The following MYO7B variants were observed in gnomAD, a reference collection of about 807,000 sequenced individuals.
MYO7B encodes unconventional myosin-VIIb.
MYO7B carries 212 observed loss-of-function variants against 259.7 expected under a neutral mutation model. The observed-to-expected ratio is 0.82, with a 90% confidence interval of 0.73 to 0.91. The LOEUF is 0.91. Among genes scored for constraint, MYO7B ranks in the 40% least tolerant of loss-of-function variants. The probability of loss-of-function intolerance (pLI) is 0.00; values close to 1 mark genes in which losing one functional copy is unlikely to be tolerated. For missense variants in MYO7B, 2,732 were observed against 2,813.5 expected, an observed-to-expected ratio of 0.97 and a Z score of 0.66; for synonymous variants, 1,197 against 1,166.4, an observed-to-expected ratio of 1.03 and a Z score of -0.54.
Position 127,576,625 on chromosome 2 carries a change from T to C in MYO7B, c.766T>C (p.Tyr256His), listed in dbSNP as rs540621004. 1 of 1,609,350 alleles carries C rather than the reference T, an allele frequency of 6.2e-7. No homozygotes were observed. Among genetic ancestry groups the C allele is most frequent in the South Asian group, 1.1e-5 (1 of 90,758 alleles). Reference sequence around the variant, plus strand: ...CGAGGAGCGGAACTACCATATCTTCTACTGCATGCTCATGGGGGTGAGTGC... The same window carrying C: ...CGAGGAGCGGAACTACCATATCTTCCACTGCATGCTCATGGGGGTGAGTGC... ...APEERNYHIF[Y>H]CMLMGVSAED... Residue 256 changes from tyrosine to histidine, a missense_variant, in exon 8 of 48, where the codon TAC (tyrosine) becomes CAC (histidine). Tyr to His is a moderately conservative substitution (Grantham distance 83, BLOSUM62 2). Around this residue, in one of 3 missense-constraint regions of MYO7B, gnomAD observed 1,906 missense variants for 2,026.4 expected, o/e 0.94. Coordinates refer to ENST00000409816, the MANE Select transcript of MYO7B (RefSeq NM_001393586.1). The surrounding 1 kb of genome is among the most constrained non-coding windows in gnomAD (Gnocchi z 4.9).
At chr2:127,624,404 G>C in intron 30 of MYO7B, 84 bp downstream of exon 30, 1 of 1,296,256 alleles carries the variant, frequency 7.7e-7, no homozygotes, top group Middle Eastern at 1.9e-4. Flanking sequence ...GGCTTCTGAG[G>C]CCAGGTAGAA....
At chr2:127,565,118 C>A in intron 3 of MYO7B, 115 bp from the exon 4 acceptor site, 1 of 1,343,554 alleles carries the variant, frequency 7.4e-7, no homozygotes, top group Non-Finnish European at 1.0e-6. Flanking sequence ...CCCAGGTCAG[C>A]TGATCCATGA....
At chr2:127,605,962 G>T (rs375261950) in intron 20 of MYO7B, 34 bp downstream of exon 20, 7 of 1,560,400 alleles carry the variant, frequency 4.5e-6, no homozygotes, top group South Asian at 1.1e-5. Flanking sequence ...TGGGCCGCGG[G>T]ACCAGCGGGT....
chr2:127,599,960 A>AT (rs371025847), intron 19 of MYO7B, among the ~76,000 whole-genome samples: 2 of 151,694 alleles, frequency 1.3e-5, no homozygotes, highest in Non-Finnish European at 2.9e-5. Context: ...ACGTCTGAGG[A>AT]TTTTTTTTCT....
chr2:127,551,271 T>C (rs56285909), intron 1 of MYO7B, among the ~76,000 whole-genome samples: 21,040 of 152,200 alleles, frequency 0.14, 1,609 homozygotes, highest in South Asian at 0.32. Flanking sequence ...CATCCTAATC[T>C]GTTGTTGACT....
rs766574429 is a variant in MYO7B, at chr2:127,569,777, C to T, written c.471-12C>T. The T allele has an allele frequency of 2.8e-5, 45 of 1,607,756 alleles. 1 individual carries two copies. The South Asian group carries it at 4.8e-4, about 17-fold the overall frequency. ...TTTTGTGGCATCATGTCCCTGCACA[C>T]CCTTTTTGCAGCGGCGAGTCTGGGG... On this transcript the variant is annotated splice_polypyrimidine_tract_variant and intron_variant, in intron 5 of 47. Coordinates refer to ENST00000409816, the MANE Select transcript of MYO7B (RefSeq NM_001393586.1).
Position 127,590,141 on chromosome 2 carries a change from A to C in MYO7B, c.1904A>C (p.Gln635Pro). Residue 635 changes from glutamine to proline, a missense_variant, in exon 16 of 48, where the codon CAG becomes CCG. Physicochemically the swap from Gln to Pro is moderately conservative, Grantham distance 76. This residue lies in a region of MYO7B where 1,906 missense variants were observed against 2,026.4 expected (regional missense o/e 0.94). Transcript: ENST00000409816. The surrounding 1 kb of genome is among the most constrained non-coding windows in gnomAD (Gnocchi z 4.6). ...TCCACCTTAGGAAGCCAGTTCAAAC[A>C]GTCTCTGGACCAGCTGATGAAAATC... Reference protein sequence around the residue: ...RPSTLGSQFKQSLDQLMKILT... With the variant: ...RPSTLGSQFKPSLDQLMKILT... 6.2e-7 allele frequency: 1 copy of C among 1,609,440 alleles called. No homozygotes were observed.
Position 127,607,406 on chromosome 2 carries a change from C to T in MYO7B, c.2625C>T (p.Phe875=), listed in dbSNP as rs1179234793. 6.4e-6 allele frequency: 10 copies of T among 1,550,986 alleles called. No individual in the cohort carries two copies. In the African/African-American group the frequency reaches 1.4e-4, roughly 21 times the overall value. Reference sequence around the variant, plus strand: ...GGGGCATGGCTGCCCGGCGCAACTTCCAGCAAAGGAAGGCCAATGTAGGTG... The same window carrying T: ...GGGGCATGGCTGCCCGGCGCAACTTTCAGCAAAGGAAGGCCAATGTAGGTG... ...HARGMAARRN[F]QQRKANAPLV... is the part of the protein sequence containing the mutation. The change falls in exon 21 of 48, where the codon TTC becomes TTT. Residue 875 remains phenylalanine (F), a synonymous_variant. Coordinates refer to ENST00000409816, the MANE Select transcript of MYO7B (RefSeq NM_001393586.1). This position sits in a 1 kb window ranked among gnomAD's most constrained non-coding sequence, Gnocchi z 4.4.
rs1007652816 is a variant in MYO7B at position 127,546,391 on chromosome 2, G to A, written c.-24+10560G>A. Reference sequence around the variant, plus strand: ...CCCACTCCAGCCCTGTCCTGGTCCAGCAATGCTTTGATCTTCCCTGCACCT... The same window carrying A: ...CCCACTCCAGCCCTGTCCTGGTCCAACAATGCTTTGATCTTCCCTGCACCT... On this transcript the variant is annotated intron_variant, in intron 1 of 47. Coordinates refer to ENST00000409816, the MANE Select transcript of MYO7B (RefSeq NM_001393586.1). The surrounding 1 kb of genome is among the most constrained non-coding windows in gnomAD (Gnocchi z 4.2). 6.6e-6 allele frequency among the ~76,000 whole-genome samples: 1 copy of A among 152,150 alleles called. No individual in the cohort carries two copies. The highest frequency in any genetic ancestry group is 1.5e-5 in the Non-Finnish European group (1 of 68,036).
Position 127,566,645 on chromosome 2 carries a change from A to G in MYO7B, c.288A>G (p.Thr96=), listed in dbSNP as rs779010946. ...LIRYQQHKIY[T]YTGSILVAVN... ...CTGACCACCTGCTTCCTTCCCAGAC[A>G]TACACAGGCTCCATCCTGGTGGCCG... The change falls in exon 5 of 48, where the codon ACA becomes ACG. Residue 96 remains threonine (T), a splice_region_variant and synonymous_variant. Coordinates refer to ENST00000409816, the MANE Select transcript of MYO7B (RefSeq NM_001393586.1). 3.0e-5 allele frequency: 47 copies of G among 1,582,048 alleles called. No individual in the cohort carries two copies. Among genetic ancestry groups the G allele is most frequent in the Non-Finnish European group, 3.9e-5 (46 of 1,165,468 alleles).
intron 2 of MYO7B, among the ~76,000 whole-genome samples, chr2:127,560,394 C>A (rs945528198): frequency 6.6e-6 from 1 of 152,138 alleles, no homozygotes; most frequent in Non-Finnish European, 1.5e-5. Context: ...AACTGGGGAA[C>A]TGTGGGCATG....
intron 22 of MYO7B, 38 bp downstream of exon 22, chr2:127,608,916 G>C: frequency 6.3e-7 from 1 of 1,587,878 alleles, no homozygotes; most frequent in Non-Finnish European, 8.6e-7. Flanking sequence ...GCCCCGGGTG[G>C]GGACAGGGAA....
Position 127,634,282 on chromosome 2 carries a change from C to T in MYO7B, c.5618C>T (p.Ser1873Leu). ...WEGCSLFIKI[S>L]DKVISQKEGD... ...GGCTGCAGCCTCTTCATCAAGATTT[C>T]AGACAAGGTGGGCCGGGCTGGGGCT... Residue 1873 changes from serine to leucine, a missense_variant, in exon 41 of 48, where the codon TCA (serine) becomes TTA (leucine). Around this residue, in one of 3 missense-constraint regions of MYO7B, gnomAD observed 821 missense variants for 769.3 expected, o/e 1.07. Coordinates refer to ENST00000409816, the MANE Select transcript of MYO7B (RefSeq NM_001393586.1). 4 of 1,579,420 alleles carry T rather than the reference C, an allele frequency of 2.5e-6. 1 individual carries two copies. The Middle Eastern group carries it at 5.1e-4, about 202-fold the overall frequency.
rs1463748730 is a variant in MYO7B at position 127,564,147 on chromosome 2, C to T, written c.19-6C>T. The T allele has an allele frequency of 2.6e-6, 4 of 1,549,954 alleles. No individual in the cohort carries two copies. Among genetic ancestry groups the T allele is most frequent in the South Asian group, 1.2e-5 (1 of 83,868 alleles). On this transcript the variant is annotated splice_polypyrimidine_tract_variant and splice_region_variant and intron_variant, in intron 2 of 47. Coordinates refer to ENST00000409816, the MANE Select transcript of MYO7B (RefSeq NM_001393586.1). ...ATCACACCACTGTCTTCTGTCTGCC[C>T]TCCAGGGTGACCACGTGTGGCTGGA... is the stretch of plus-strand genomic sequence containing the variant.
intron 4 of MYO7B, among the ~76,000 whole-genome samples, chr2:127,566,265 G>T (rs1021990701): frequency 8.5e-5 from 13 of 152,286 alleles, no homozygotes; most frequent in Non-Finnish European, 1.8e-4. Context: ...TTGGGGTTGG[G>T]GTCCGTGAGG....
chr2:127,635,232 G>T lies in MYO7B; in HGVS notation c.5820+6G>T. Reference sequence around the variant, plus strand: ...CCATACTCCATTACCACCAGGTACCGGGCAGGCTGCCCTGGTGGGCACTGG... The same window carrying T: ...CCATACTCCATTACCACCAGGTACCTGGCAGGCTGCCCTGGTGGGCACTGG... On this transcript the variant is annotated splice_donor_region_variant and intron_variant, in intron 43 of 47. Transcript: ENST00000409816. The T allele has an allele frequency of 1.2e-6, 2 of 1,610,430 alleles. No homozygotes were observed. Among genetic ancestry groups the T allele is most frequent in the Non-Finnish European group, 1.7e-6 (2 of 1,178,126 alleles).
At chr2:127,560,451 C>T (rs116638660) in intron 2 of MYO7B, among the ~76,000 whole-genome samples, 1,893 of 152,242 alleles carry the variant, frequency 0.012, 36 homozygotes, top group African/African-American at 0.043. Context: ...GACTCTGCAT[C>T]GTGTTCCCTT....
At position 127,603,849 on chromosome 2, in the gene MYO7B, G is replaced by A. The variant is rs921439694; in HGVS notation, c.2340-1995G>A. On this transcript the variant is annotated intron_variant, in intron 19 of 47. Transcript: ENST00000409816. Reference sequence around the variant, plus strand: ...GCTGTTTTGTCTACATTGAAAATCTGTTGGCCAGGTGTGGTGGCTCATGCC... The same window carrying A: ...GCTGTTTTGTCTACATTGAAAATCTATTGGCCAGGTGTGGTGGCTCATGCC... Among the ~76,000 whole-genome samples, 52 of 152,184 alleles carry A rather than the reference G, an allele frequency of 3.4e-4. 1 individual carries two copies. Among genetic ancestry groups the A allele is most frequent in the African/African-American group, 1.2e-3 (51 of 41,436 alleles).
chr2:127,636,866 C>T lies in MYO7B; in HGVS notation c.6280C>T (p.Leu2094=), dbSNP rs762917782. ...SSGSTYFHMA[L]GSLGRGSRLL... ...CGGCAGCACCTACTTCCACATGGCG[C>T]TGGGGAGCCTGGGCCGTGGCAGCCG... Residue 2094 remains leucine (L), a synonymous_variant, in exon 47 of 48, where the codon CTG becomes TTG. Transcript: ENST00000409816. This position sits in a 1 kb window ranked among gnomAD's most constrained non-coding sequence, Gnocchi z 4.5. 2.7e-5 allele frequency: 44 copies of T among 1,613,432 alleles called. No individual in the cohort carries two copies. The Admixed American group carries it at 4.5e-4, about 16-fold the overall frequency.
Sources: gnomAD v4.1 joint callset for allele counts (sites outside exome capture counted in the v4.1 genomes callset) on GRCh38, gnomAD v4.1.1 for gene constraint, gnomAD v4.1.1 regional missense constraint, Gnocchi (gnomAD v3.1) non-coding constraint, MANE v1.5 for transcripts, NCBI Gene and HGNC (gene_info 2026-07-23, HGNC 2026-07-21) for gene names.